The following TMEM181 variants were observed in gnomAD, a reference collection of about 807,000 sequenced individuals.
TMEM181 encodes the protein transmembrane protein 181, also known as G protein-coupled receptor 178.
TMEM181 carries 39 observed loss-of-function variants against 71.9 expected under a neutral mutation model. The observed-to-expected ratio is 0.54, with a 90% confidence interval of 0.42 to 0.71. The LOEUF (loss-of-function observed/expected upper bound fraction) is 0.71, where lower values mean the gene tolerates loss of function less well. TMEM181 is among the 30% of genes least tolerant of loss of function. The probability of loss-of-function intolerance (pLI) is 0.00; values close to 1 mark genes in which losing one functional copy is unlikely to be tolerated. For synonymous variants in TMEM181, 245 were observed against 228.8 expected, an observed-to-expected ratio of 1.07 and a Z score of -0.64; for missense variants, 595 against 583.0, an observed-to-expected ratio of 1.02 and a Z score of -0.21.
intron 1 of TMEM181, among the ~76,000 whole-genome samples, chr6:158,565,171 G>T (rs1782416780): frequency 6.6e-6 from 1 of 152,244 alleles, no homozygotes; most frequent in Non-Finnish European, 1.5e-5. Context: ...CACGACCTCT[G>T]CTTACCCGGA....
chr6:158,590,180 C>A (rs766349823), intron 6 of TMEM181, among the ~76,000 whole-genome samples: 1 of 152,080 alleles, frequency 6.6e-6, no homozygotes, highest in Admixed American at 6.6e-5. Flanking sequence ...GCTGAAATCT[C>A]CCCTTTCCAC....
At chr6:158,540,398 C>T (rs749929565) in intron 1 of TMEM181, among the ~76,000 whole-genome samples, 15 of 152,188 alleles carry the variant, frequency 9.9e-5, no homozygotes, top group Admixed American at 7.9e-4. Context: ...TACATGGGGC[C>T]ATCAGAAGAC....
At chr6:158,568,545 C>T (rs1355237729) in intron 1 of TMEM181, among the ~76,000 whole-genome samples, 1 of 152,204 alleles carries the variant, frequency 6.6e-6, no homozygotes, top group East Asian at 1.9e-4. Flanking sequence ...TGTTCGTAGG[C>T]TGTGCATATT....
intron 1 of TMEM181, among the ~76,000 whole-genome samples, chr6:158,562,081 C>G (rs541169060): frequency 6.6e-6 from 1 of 152,086 alleles, no homozygotes; most frequent in Non-Finnish European, 1.5e-5. Flanking sequence ...GCAGGGGCAG[C>G]TCCACCACTC....
upstream of TMEM181, among the ~76,000 whole-genome samples, chr6:158,556,126 A>G (rs1358183824): frequency 6.6e-6 from 1 of 152,206 alleles, no homozygotes; most frequent in African/African-American, 2.4e-5. Flanking sequence ...AGAAAAGACA[A>G]AAAAGTCTTT....
At position 158,631,783 on chromosome 6, in the gene TMEM181, CGGTCTCAAA is replaced by C; in HGVS notation, c.1350-20_1350-12del. ...AAATAAAGAGCTGTCAGAAGTTAGA[CGGTCTCAAA>C]GGTCTCTTTGCTCACAGGAGTGACT... On this transcript the variant is annotated intron_variant, in intron 16 of 16. Transcript: ENST00000684151. The C allele has an allele frequency of 6.3e-7, 1 of 1,576,526 alleles. No individual in the cohort carries two copies. Among genetic ancestry groups the C allele is most frequent in the Non-Finnish European group, 8.6e-7 (1 of 1,159,582 alleles).
intron 7 of TMEM181, among the ~76,000 whole-genome samples, chr6:158,606,564 C>G (rs1169617523): frequency 1.3e-5 from 2 of 152,212 alleles, no homozygotes; most frequent in African/African-American, 4.8e-5. Flanking sequence ...GCCTAGAAAA[C>G]TGTTGGCTTA....
At chr6:158,626,728 C>T (rs1445768122) in intron 13 of TMEM181, 5 of 456,980 alleles carry the variant, frequency 1.1e-5, no homozygotes, top group East Asian at 7.0e-5. Context: ...GTCTCTGTGA[C>T]GTCTCATACA....
rs1430373274 is a variant in TMEM181 at position 158,634,561 on chromosome 6, G to GT, written c.*2675dup. On this transcript the variant is annotated 3_prime_UTR_variant, in exon 17 of 17. Transcript: ENST00000684151. ...TTTCAGTTTCCCTAGGGAGAGCTTC[G>GT]TTATCCATGTGGATGATAAGTCTGC... is the stretch of plus-strand genomic sequence containing the variant. The GT allele has an allele frequency of 6.6e-6, 1 of 152,146 alleles. No homozygotes were observed. Among genetic ancestry groups the GT allele is most frequent in the Non-Finnish European group, 1.5e-5 (1 of 68,018 alleles). 9.4% of individuals were successfully genotyped at this position (152,146 alleles called of 1,614,324 possible).
chr6:158,629,591 T>C, intron 14 of TMEM181, 139 bp from the exon 15 acceptor site: 1 of 673,808 alleles, frequency 1.5e-6, no homozygotes, highest in Non-Finnish European at 2.6e-6. Flanking sequence ...AGTCCTGACG[T>C]CTGGGTAATG....
intron 1 of TMEM181, among the ~76,000 whole-genome samples, chr6:158,566,541 GGGTGGAGGGAGGTGATAC>G (rs1782507733): frequency 6.8e-6 from 1 of 146,582 alleles, no homozygotes; most frequent in African/African-American, 2.5e-5. Context: ...GGAGGTGATG[GGGTGGAGGGAGGTGATAC>G]GGTGAGGGAG....
chr6:158,560,150 C>G lies in TMEM181; in HGVS notation c.-75C>G. On this transcript the variant is annotated 5_prime_UTR_variant, in exon 1 of 17. Coordinates refer to ENST00000684151, the MANE Select transcript of TMEM181 (RefSeq NM_001376852.1). The stretch of plus-strand genomic sequence containing the variant: ...TCGCTCCGGCTCCGGCTGCGGCTGC[C>G]GCTGCCGAGGCTGCTGCGCGGCGCC... 1 of 984,770 alleles carries G rather than the reference C, an allele frequency of 1.0e-6. No homozygotes were observed. Among genetic ancestry groups the G allele is most frequent in the Non-Finnish European group, 1.2e-6 (1 of 829,642 alleles). 61.0% of individuals were successfully genotyped at this position (984,770 alleles called of 1,614,324 possible).
chr6:158,553,558 ATCATT>A (rs1391702102), intron 1 of TMEM181, among the ~76,000 whole-genome samples: 2 of 152,244 alleles, frequency 1.3e-5, no homozygotes, highest in Non-Finnish European at 2.9e-5. Context: ...TGTACAAAAA[ATCATT>A]TTATTTTAGG....
rs546043216 is a variant in TMEM181, at chr6:158,628,166, C to T, written c.1110-242C>T. On this transcript the variant is annotated intron_variant, in intron 13 of 16. Transcript: ENST00000684151. ...GGGCCTGCAGCAGGGTTCATCCTGT[C>T]CCTGCAGCCGGCCGGTGGGTCTAGC... is the stretch of plus-strand genomic sequence containing the variant. 4.1e-4 allele frequency: 274 copies of T among 668,488 alleles called. No individual in the cohort carries two copies. In the African/African-American group the frequency reaches 4.5e-3, roughly 11 times the overall value. The allele number at this position is 668,488 out of a possible 1,614,324, so 41.4% of individuals were successfully genotyped here. A position where few individuals can be genotyped will look rare whatever the true frequency, so the allele number is the denominator to read the frequency against.
intron 6 of TMEM181, among the ~76,000 whole-genome samples, 156 bp from the exon 7 acceptor site, chr6:158,605,111 A>T (rs1393733445): frequency 4.1e-5 from 5 of 120,488 alleles, no homozygotes; most frequent in South Asian, 2.7e-4. Flanking sequence ...GAGACTCCAT[A>T]TCCAAAAAAA....
In TMEM181 at chr6:158,576,298, C is replaced by A. The variant is rs148937992; in HGVS notation, c.112+2775C>A. Among the ~76,000 whole-genome samples, 836 of 152,194 alleles carry A rather than the reference C, an allele frequency of 5.5e-3. 5 individuals carry two copies. Among genetic ancestry groups the A allele is most frequent in the African/African-American group, 0.019 (779 of 41,542 alleles). Reference sequence around the variant, plus strand: ...TAGCGCTTATAGAAACCAAGGTGGGCAAAAAGGACCCTGTCCTCCAGATAG... The same window carrying A: ...TAGCGCTTATAGAAACCAAGGTGGGAAAAAAGGACCCTGTCCTCCAGATAG... On this transcript the variant is annotated intron_variant, in intron 2 of 16. Transcript: ENST00000684151.
At chr6:158,585,485 G>C in intron 5 of TMEM181, 60 bp downstream of exon 5, 1 of 1,381,128 alleles carries the variant, frequency 7.2e-7, no homozygotes, top group South Asian at 2.0e-5. Context: ...TTTAATTACA[G>C]AGCCACTTTC....
At chr6:158,628,179 C>T (rs564544773) in intron 13 of TMEM181, 10 of 679,042 alleles carry the variant, frequency 1.5e-5, no homozygotes, top group African/African-American at 1.1e-4. Flanking sequence ...TGCAGCCGGC[C>T]GGTGGGTCTA....
chr6:158,596,682 G>A (rs184446225), intron 6 of TMEM181, among the ~76,000 whole-genome samples: 188 of 152,330 alleles, frequency 1.2e-3, no homozygotes, highest in African/African-American at 4.4e-3. Flanking sequence ...AGAAAAAGGG[G>A]TTTAATTGGA....
Sources: allele counts gnomAD v4.1 joint callset (sites outside exome capture counted in the v4.1 genomes callset), GRCh38; gene constraint gnomAD v4.1.1; transcripts MANE v1.5; gene names NCBI Gene and HGNC (gene_info 2026-07-23, HGNC 2026-07-21).